REDIC1: variants seen among roughly 807,000 people sequenced by gnomAD.
REDIC1 encodes HEI10 Interacting Protein 1.
At chr12:39,758,290 G>GACTT in the REDIC1 span, 3 of 151,878 alleles carry the variant, frequency 2.0e-5, no homozygotes. Context: ...TACCTCTGGT[G>GACTT]ACTTAGAGAA....
chr12:39,882,333 A>G, the REDIC1 span, among the ~76,000 whole-genome samples: 4 of 152,186 alleles, frequency 2.6e-5, no homozygotes, highest in African/African-American at 9.7e-5. Context: ...GGTGATGCTG[A>G]TCCTGCTTTG....
chr12:39,889,544 T>C, the REDIC1 span, among the ~76,000 whole-genome samples: 3 of 148,350 alleles, frequency 2.0e-5, no homozygotes, highest in East Asian at 3.9e-4. Context: ...TTTTTTTTTT[T>C]TTTTTTTGAG....
the REDIC1 span, among the ~76,000 whole-genome samples, chr12:39,689,512 A>G: frequency 1.3e-5 from 2 of 152,198 alleles, no homozygotes; most frequent in African/African-American, 4.8e-5. Flanking sequence ...TGAGGTGAGA[A>G]GAGATGTTTC....
At chr12:39,900,599 G>C in the REDIC1 span, among the ~76,000 whole-genome samples, 1 of 152,118 alleles carries the variant, frequency 6.6e-6, no homozygotes, top group African/African-American at 2.4e-5. Context: ...TTGCTTCAAA[G>C]AGAATAAAAT....
At chr12:39,850,532 A>C in the REDIC1 span, among the ~76,000 whole-genome samples, 6 of 152,174 alleles carry the variant, frequency 3.9e-5, no homozygotes, top group East Asian at 1.2e-3. Flanking sequence ...GCAAGCCAAA[A>C]CATACACACT....
At chr12:39,709,004 C>A in the REDIC1 span, among the ~76,000 whole-genome samples, 3 of 151,760 alleles carry the variant, frequency 2.0e-5, no homozygotes, top group African/African-American at 7.3e-5. Flanking sequence ...CATAAGATGT[C>A]CTTTCATTAG....
the REDIC1 span, among the ~76,000 whole-genome samples, chr12:39,754,044 T>C: frequency 6.6e-6 from 1 of 152,176 alleles, no homozygotes; most frequent in East Asian, 1.9e-4. Flanking sequence ...TCTTTTACAA[T>C]GCAAGGATTC....
the REDIC1 span, among the ~76,000 whole-genome samples, chr12:39,734,909 C>T: frequency 6.6e-6 from 1 of 152,148 alleles, no homozygotes; most frequent in South Asian, 2.1e-4. Flanking sequence ...TGTTGACTCG[C>T]TATCTCAATT....
chr12:39,667,702 AG>A, the REDIC1 span, among the ~76,000 whole-genome samples: 2 of 152,128 alleles, frequency 1.3e-5, no homozygotes, highest in Non-Finnish European at 2.9e-5. Flanking sequence ...TGGGAGTCTA[AG>A]TCTCTTTCTA....
At chr12:39,868,569 A>G in the REDIC1 span, among the ~76,000 whole-genome samples, 3 of 152,182 alleles carry the variant, frequency 2.0e-5, no homozygotes, top group African/African-American at 7.2e-5. Flanking sequence ...ATGTTTTAAA[A>G]TAAGTATCCT....
At chr12:39,900,218 C>A in the REDIC1 span, among the ~76,000 whole-genome samples, 21 of 151,984 alleles carry the variant, frequency 1.4e-4, no homozygotes, top group Admixed American at 7.2e-4. Context: ...TCTATGACAA[C>A]CCCACAGCCA....
chr12:39,653,557 C>CTTCTTCTT, the REDIC1 span, among the ~76,000 whole-genome samples: 100 of 56,250 alleles, frequency 1.8e-3, 4 homozygotes, highest in Non-Finnish European at 2.4e-3. Context: ...TCTTCTTCTT[C>CTTCTTCTT]TTTCTTCTTC....
chr12:39,705,238 A>T, the REDIC1 span, among the ~76,000 whole-genome samples: 1 of 152,168 alleles, frequency 6.6e-6, no homozygotes, highest in South Asian at 2.1e-4. Flanking sequence ...TCCTAGACAC[A>T]CACAATTTAC....
the REDIC1 span, among the ~76,000 whole-genome samples, chr12:39,771,392 A>G: frequency 6.6e-6 from 1 of 152,180 alleles, no homozygotes; most frequent in Non-Finnish European, 1.5e-5. Context: ...GCAAGTCGCC[A>G]TGCTGTAGGA....
chr12:39,713,537 C>T, the REDIC1 span, among the ~76,000 whole-genome samples: 2 of 149,192 alleles, frequency 1.3e-5, no homozygotes, highest in Admixed American at 6.7e-5. Context: ...TGTACACGTA[C>T]ATACGTATAC....
chr12:39,692,532 A>G, the REDIC1 span, among the ~76,000 whole-genome samples: 5 of 60,694 alleles, frequency 8.2e-5, no homozygotes, highest in East Asian at 1.5e-3. Context: ...TTTTTCTGCA[A>G]CTTGCTTTTT....
At chr12:39,769,092 G>C in the REDIC1 span, among the ~76,000 whole-genome samples, 1 of 151,982 alleles carries the variant, frequency 6.6e-6, no homozygotes, top group Admixed American at 6.6e-5. Flanking sequence ...CCATGCTGTT[G>C]GGCTGTATTA....
At chr12:39,747,492 A>T in the REDIC1 span, among the ~76,000 whole-genome samples, 1 of 152,238 alleles carries the variant, frequency 6.6e-6, no homozygotes, top group South Asian at 2.1e-4. Context: ...ACCAAGTTGG[A>T]AAACACTCTG....
the REDIC1 span, among the ~76,000 whole-genome samples, chr12:39,868,172 A>C: frequency 6.6e-6 from 1 of 152,198 alleles, no homozygotes; most frequent in Non-Finnish European, 1.5e-5. Context: ...TTTGGATGAA[A>C]GAATTTTATC....
Sources: gnomAD v4.1 joint callset for allele counts (sites outside exome capture counted in the v4.1 genomes callset) on GRCh38, gnomAD v4.1.1 for gene constraint, MANE v1.5 for transcripts, NCBI Gene and HGNC (gene_info 2026-07-23, HGNC 2026-07-21) for gene names.